DCAF17: variants seen among roughly 807,000 people sequenced by gnomAD.
DCAF17 encodes the protein DDB1 and CUL4 associated factor 17.
Under a neutral mutation model 66.0 loss-of-function variants are expected in DCAF17, and 48 were observed. That is an observed-to-expected ratio of 0.73 (90% CI 0.58 to 0.92). The LOEUF (loss-of-function observed/expected upper bound fraction) is 0.92. Among genes scored for constraint, DCAF17 ranks in the 40% least tolerant of loss-of-function variants. The probability of loss-of-function intolerance (pLI) is 0.00; values close to 1 mark genes in which losing one functional copy is unlikely to be tolerated. For synonymous variants in DCAF17, 206 were observed against 214.6 expected, an observed-to-expected ratio of 0.96 and a Z score of 0.35; for missense variants, 562 against 622.8, an observed-to-expected ratio of 0.90 and a Z score of 1.04.
intron 13 of DCAF17, 67 bp from the exon 14 acceptor site, chr2:171,480,907 A>AT (rs1233212623): frequency 1.3e-6 from 2 of 1,599,378 alleles, no homozygotes; most frequent in African/African-American, 2.7e-5. Flanking sequence ...GTACTGTGAC[A>AT]TTTTAGTAAC....
At chr2:171,445,465 A>G (rs945357147) in intron 3 of DCAF17, among the ~76,000 whole-genome samples, 1 of 152,234 alleles carries the variant, frequency 6.6e-6, no homozygotes, top group Non-Finnish European at 1.5e-5. Flanking sequence ...TCTCATTTCA[A>G]CTGCAGCAAG....
At chr2:171,457,135 G>A (rs538108073) in intron 6 of DCAF17, among the ~76,000 whole-genome samples, 2 of 152,268 alleles carry the variant, frequency 1.3e-5, no homozygotes, top group East Asian at 3.9e-4. Context: ...TCATGAACTA[G>A]TCAATGTCAG....
chr2:171,468,784 A>C (rs1161986112), intron 8 of DCAF17, 104 bp from the exon 9 acceptor site: 1 of 1,431,900 alleles, frequency 7.0e-7, no homozygotes, highest in African/African-American at 1.4e-5. Flanking sequence ...TCATTAATAG[A>C]AATTTATAGA....
At chr2:171,471,121 A>G (rs967554394) in intron 9 of DCAF17, among the ~76,000 whole-genome samples, 1 of 152,210 alleles carries the variant, frequency 6.6e-6, no homozygotes, top group African/African-American at 2.4e-5. Flanking sequence ...ATAACTGATT[A>G]TAACATTTAT....
chr2:171,451,359 A>G (rs949103782), intron 5 of DCAF17, among the ~76,000 whole-genome samples: 2 of 152,060 alleles, frequency 1.3e-5, no homozygotes, highest in Admixed American at 6.6e-5. Flanking sequence ...TTCCTGATTT[A>G]TTTAGTATGA....
intron 8 of DCAF17, among the ~76,000 whole-genome samples, chr2:171,460,039 T>C (rs923712305): frequency 6.6e-6 from 1 of 152,160 alleles, no homozygotes; most frequent in African/African-American, 2.4e-5. Flanking sequence ...AAAAAGTAAG[T>C]AAAGTCTGGG....
intron 2 of DCAF17, among the ~76,000 whole-genome samples, chr2:171,435,518 T>C (rs936993330): frequency 6.6e-6 from 1 of 151,476 alleles, no homozygotes; most frequent in African/African-American, 2.4e-5. Flanking sequence ...CTTTGGAGAA[T>C]TGATGGATTG....
intron 8 of DCAF17, among the ~76,000 whole-genome samples, chr2:171,467,994 A>G (rs1696023845): frequency 6.6e-6 from 1 of 152,134 alleles, no homozygotes; most frequent in Non-Finnish European, 1.5e-5. Flanking sequence ...TAAATTCTCA[A>G]GTTAGAGGGT....
Position 171,484,023 on chromosome 2 carries a change from A to T in DCAF17, c.*2909A>T. The T allele has an allele frequency of 2.2e-6, 1 of 453,936 alleles. No individual in the cohort carries two copies. The highest frequency in any genetic ancestry group is 4.4e-6 in the Non-Finnish European group (1 of 226,756). The allele number at this position is 453,936 out of a possible 1,614,324, so 28.1% of individuals were successfully genotyped here. On this transcript the variant is annotated 3_prime_UTR_variant, in exon 14 of 14. Transcript: ENST00000375255. ...TTTTTACTGATGATTCAGTGTCTAA[A>T]TTTTGAACAAATTTGGGTAAGATAC...
chr2:171,477,892 G>A, intron 11 of DCAF17, 95 bp from the exon 12 acceptor site: 3 of 942,182 alleles, frequency 3.2e-6, no homozygotes, highest in Admixed American at 3.8e-5. Flanking sequence ...GTGGGAGAAG[G>A]GTTGGTAAGT....
At chr2:171,438,631 C>A (rs1230511531) in intron 2 of DCAF17, among the ~76,000 whole-genome samples, 1 of 152,150 alleles carries the variant, frequency 6.6e-6, no homozygotes, top group Non-Finnish European at 1.5e-5. Context: ...ATGTTCCTTG[C>A]CAAATTCGAC....
Position 171,463,715 on chromosome 2 carries a change from G to T in DCAF17, c.839-5173G>T, listed in dbSNP as rs147401363. On this transcript the variant is annotated intron_variant, in intron 8 of 13. Coordinates refer to ENST00000375255, the MANE Select transcript of DCAF17 (RefSeq NM_025000.4). Reference sequence around the variant, plus strand: ...ATAGCATATTTCTATAACTATTAGTGATCCTTGCCTGAATCAGTTATGTCA... The same window carrying T: ...ATAGCATATTTCTATAACTATTAGTTATCCTTGCCTGAATCAGTTATGTCA... Among the ~76,000 whole-genome samples the T allele has an allele frequency of 4.3e-4, 66 of 152,320 alleles. 1 individual carries two copies. In the East Asian group the frequency reaches 0.011, roughly 26 times the overall value.
intron 5 of DCAF17, 47 bp from the exon 6 acceptor site, chr2:171,453,077 C>G: frequency 7.4e-7 from 1 of 1,349,928 alleles, no homozygotes. Flanking sequence ...CAGTGTGTTT[C>G]TGAAGTACTT....
At chr2:171,454,430 G>A (rs62183498) in intron 6 of DCAF17, among the ~76,000 whole-genome samples, 30,434 of 151,090 alleles carry the variant, frequency 0.2, 3,199 homozygotes, top group South Asian at 0.28. Flanking sequence ...GACTACAGGC[G>A]CCTGCCACCA....
Position 171,454,151 on chromosome 2 carries a change from CAG to C in DCAF17, c.627+941_627+942del. ...CACCACTACACTCCAGCCTGGGTGA[CAG>C]AGTTAGACTCTGTCTCTAAAAAATT... is the stretch of plus-strand genomic sequence containing the variant. On this transcript the variant is annotated intron_variant, in intron 6 of 13. Transcript: ENST00000375255. 2.0e-5 allele frequency among the ~76,000 whole-genome samples: 3 copies of C among 151,868 alleles called. No individual in the cohort carries two copies. The East Asian group carries it at 5.8e-4, about 29-fold the overall frequency.
In DCAF17 at chr2:171,481,583, T is replaced by C. The variant is rs921716331; in HGVS notation, c.*469T>C. 7 of 453,980 alleles carry C rather than the reference T, an allele frequency of 1.5e-5. No individual in the cohort carries two copies. The highest frequency in any genetic ancestry group is 3.1e-5 in the Non-Finnish European group (7 of 226,786). 28.1% of individuals were successfully genotyped at this position (453,980 alleles called of 1,614,324 possible). ...TTGCTTAAGGATGAGAAATGAGATG[T>C]GTTATGTGAGAACATTATTTTGAGC... On this transcript the variant is annotated 3_prime_UTR_variant, in exon 14 of 14. Transcript: ENST00000375255.
intron 5 of DCAF17, chr2:171,450,162 C>A: frequency 2.0e-6 from 1 of 504,972 alleles, no homozygotes; most frequent in Non-Finnish European, 3.6e-6. Flanking sequence ...TTTTCTCACT[C>A]ATAAGTGAGA....
chr2:171,445,191 C>T (rs1406807331), intron 3 of DCAF17, among the ~76,000 whole-genome samples: 1 of 151,472 alleles, frequency 6.6e-6, no homozygotes, highest in South Asian at 2.1e-4. Flanking sequence ...GTGGCGTGAT[C>T]TCCACTCACT....
At position 171,448,678 on chromosome 2, in the gene DCAF17, T is replaced by TA. The variant is rs1694779202; in HGVS notation, c.322-2dup. 2 of 1,557,934 alleles carry TA rather than the reference T, an allele frequency of 1.3e-6. No homozygotes were observed. On this transcript the variant is annotated splice_polypyrimidine_tract_variant and splice_region_variant and intron_variant, in intron 3 of 13. Transcript: ENST00000375255. Reference sequence around the variant, plus strand: ...ATTTTTATATCTCTCTTTTTTTTTTTAGGGAGATATACTTCCCAATTCATC... The same window carrying TA: ...ATTTTTATATCTCTCTTTTTTTTTTTAAGGGAGATATACTTCCCAATTCATC...
Sources: allele counts gnomAD v4.1 joint callset (sites outside exome capture counted in the v4.1 genomes callset), GRCh38; gene constraint gnomAD v4.1.1; transcripts MANE v1.5; gene names NCBI Gene and HGNC (gene_info 2026-07-23, HGNC 2026-07-21).